Variants in SDK2 observed in about 807,000 individuals in gnomAD.
The protein encoded by SDK2 is protein sidekick-2.
Under a neutral mutation model 253.9 loss-of-function variants are expected in SDK2, and 105 were observed. The ratio of observed to expected loss-of-function variants is 0.41; its 90% CI spans 0.35 to 0.49. The LOEUF is 0.49. SDK2 is among the 20% of genes least tolerant of loss of function. SDK2 has a pLI of 0.06. For synonymous variants in SDK2, 1,249 were observed against 1,234.9 expected, an observed-to-expected ratio of 1.01 and a Z score of -0.24; for missense variants, 2,608 against 3,003.0, an observed-to-expected ratio of 0.87 and a Z score of 3.07.
intron 20 of SDK2, 30 bp from the exon 21 acceptor site, chr17:73,401,241 T>A: frequency 6.6e-7 from 1 of 1,519,782 alleles, no homozygotes; most frequent in South Asian, 1.3e-5. Context: ...TGGCATGAGC[T>A]TGGCTGTGAT....
At chr17:73,483,284 C>T (rs935198051) in intron 2 of SDK2, among the ~76,000 whole-genome samples, 3 of 149,776 alleles carry the variant, frequency 2.0e-5, no homozygotes, top group African/African-American at 7.4e-5. Context: ...CCGCGGACAA[C>T]TCTGCACCGA....
intron 3 of SDK2, among the ~76,000 whole-genome samples, chr17:73,463,870 T>C (rs113789580): frequency 6.6e-6 from 1 of 152,202 alleles, no homozygotes; most frequent in Non-Finnish European, 1.5e-5. Context: ...CTCTAAGGTA[T>C]GTGCCTAGAA....
rs776078195 is a variant in SDK2, at chr17:73,433,866, G to A, written c.1196-18C>T. 2 of 1,481,854 alleles carry A rather than the reference G, an allele frequency of 1.3e-6. No homozygotes were observed. The highest frequency in any genetic ancestry group is 1.8e-6 in the Non-Finnish European group (2 of 1,108,020). 91.8% of individuals were successfully genotyped at this position (1,481,854 alleles called of 1,614,324 possible). A position where few individuals can be genotyped will look rare whatever the true frequency, so the allele number is the denominator to read the frequency against. ...GGCGATGCCTGCAAACAGAGAAGTGGGGCCTTTTAGCCACACCCTGGGAGA... is the reference window on the plus strand; with the variant it reads ...GGCGATGCCTGCAAACAGAGAAGTGAGGCCTTTTAGCCACACCCTGGGAGA... On this transcript the variant is annotated intron_variant, in intron 9 of 44. Coordinates refer to ENST00000392650, the MANE Select transcript of SDK2 (RefSeq NM_001144952.2).
intron 44 of SDK2, among the ~76,000 whole-genome samples, chr17:73,340,361 G>A (rs1310946728): frequency 1.3e-5 from 2 of 152,212 alleles, no homozygotes; most frequent in Middle Eastern, 3.4e-3. Flanking sequence ...TGCCCCTACC[G>A]GTCACTCCCT....
chr17:73,339,881 T>C (rs1453394324), intron 44 of SDK2, among the ~76,000 whole-genome samples: 2 of 151,642 alleles, frequency 1.3e-5, no homozygotes, highest in East Asian at 3.9e-4. Flanking sequence ...TTTCTTTCTT[T>C]TTTTTTTGAT....
intron 1 of SDK2, among the ~76,000 whole-genome samples, chr17:73,605,161 T>C (rs972184637): frequency 3.9e-5 from 6 of 152,046 alleles, no homozygotes; most frequent in Non-Finnish European, 7.4e-5. Flanking sequence ...CCTGGGGTGA[T>C]GTGGGCAGGC....
chr17:73,533,961 T>G (rs1040314029), intron 1 of SDK2, among the ~76,000 whole-genome samples: 1 of 152,092 alleles, frequency 6.6e-6, no homozygotes, highest in Non-Finnish European at 1.5e-5. Context: ...CCAAACACAA[T>G]GCGGCAGCAG....
At chr17:73,565,022 A>G (rs540661828) in intron 1 of SDK2, among the ~76,000 whole-genome samples, 1 of 152,262 alleles carries the variant, frequency 6.6e-6, no homozygotes, top group African/African-American at 2.4e-5. Flanking sequence ...GAAGATAGAA[A>G]TGGCACTGGG....
rs772595082 is a variant in SDK2, at chr17:73,431,960, C to A, written c.1313-291G>T. ...ACGTGCCCTTCAACAGAGAAGGGGG[C>A]GCAGTTTCCTGATGACGGTGAGCAG... On this transcript the variant is annotated intron_variant, in intron 10 of 44. Coordinates refer to ENST00000392650, the MANE Select transcript of SDK2 (RefSeq NM_001144952.2). This position sits in a 1 kb window ranked among gnomAD's most constrained non-coding sequence, Gnocchi z 5.6. Among the ~76,000 whole-genome samples the A allele has an allele frequency of 6.6e-6, 1 of 152,156 alleles. No individual in the cohort carries two copies. Among genetic ancestry groups the A allele is most frequent in the South Asian group, 2.1e-4 (1 of 4,828 alleles).
intron 1 of SDK2, among the ~76,000 whole-genome samples, chr17:73,601,966 A>C (rs888090117): frequency 5.9e-5 from 9 of 151,870 alleles, no homozygotes; most frequent in Admixed American, 5.9e-4. Flanking sequence ...CTGGTCTCGA[A>C]CTCCTCACCT....
At chr17:73,423,853 C>T in intron 13 of SDK2, 63 bp downstream of exon 13, 1 of 1,381,716 alleles carries the variant, frequency 7.2e-7, no homozygotes, top group East Asian at 2.5e-5. Context: ...TCGGCTGGCT[C>T]TGAGCATGCC....
At chr17:73,484,097 C>T (rs7405988) in intron 2 of SDK2, among the ~76,000 whole-genome samples, 11 of 152,024 alleles carry the variant, frequency 7.2e-5, no homozygotes, top group Admixed American at 1.3e-4. Context: ...CACCGCTCCC[C>T]GCTCCTCCGG....
rs769744591 is a variant in SDK2, at chr17:73,496,421, C to T, written c.224+11017G>A. On this transcript the variant is annotated intron_variant, in intron 2 of 44. Coordinates refer to ENST00000392650, the MANE Select transcript of SDK2 (RefSeq NM_001144952.2). The surrounding 1 kb of genome is among the most constrained non-coding windows in gnomAD (Gnocchi z 4.7). ...ACAACGGTTTGCCAGGTAGCAGAGG[C>T]GTGCGAGGACGGTAGAGGTGGAGGA... 1.3e-5 allele frequency among the ~76,000 whole-genome samples: 2 copies of T among 152,128 alleles called. No individual in the cohort carries two copies. Among genetic ancestry groups the T allele is most frequent in the Admixed American group, 6.6e-5 (1 of 15,260 alleles).
Position 73,570,218 on chromosome 17 carries a change from A to T in SDK2, c.65-62621T>A, listed in dbSNP as rs993890638. 9.2e-6 allele frequency among the ~76,000 whole-genome samples: 1 copy of T among 108,668 alleles called. No individual in the cohort carries two copies. The highest frequency in any genetic ancestry group is 2.0e-5 in the Non-Finnish European group (1 of 49,400). The allele number at this position is 108,668 out of a possible 152,430, so 71.3% of individuals were successfully genotyped here. A position where few individuals can be genotyped will look rare whatever the true frequency, so the allele number is the denominator to read the frequency against. On this transcript the variant is annotated intron_variant, in intron 1 of 44. Transcript: ENST00000392650. This position sits in a 1 kb window ranked among gnomAD's most constrained non-coding sequence, Gnocchi z 4.2. ...CTTGCTACCTCCCCTCCCTGTTTAC[A>T]CCCCTGCCTCCTAAGCACAGCCCGG...
intron 1 of SDK2, among the ~76,000 whole-genome samples, chr17:73,585,494 G>A (rs1258445600): frequency 1.3e-5 from 2 of 152,198 alleles, no homozygotes; most frequent in Non-Finnish European, 2.9e-5. Flanking sequence ...CTGAGTAGGT[G>A]CTGCGGGTCT....
Position 73,361,555 on chromosome 17 carries a change from G to C in SDK2, c.5467+129C>G, listed in dbSNP as rs2062640340. The stretch of plus-strand genomic sequence containing the variant: ...GGGGGGAGGGGTCACTGGGCACCAG[G>C]GGAAAGAGTGAGCTCTGTCCTCCAC... On this transcript the variant is annotated intron_variant, in intron 39 of 44. Transcript: ENST00000392650. This position sits in a 1 kb window ranked among gnomAD's most constrained non-coding sequence, Gnocchi z 4.1. 1 of 901,862 alleles carries C rather than the reference G, an allele frequency of 1.1e-6. No individual in the cohort carries two copies. Among genetic ancestry groups the C allele is most frequent in the Non-Finnish European group, 1.7e-6 (1 of 605,750 alleles). 55.9% of individuals were successfully genotyped at this position (901,862 alleles called of 1,614,324 possible).
At chr17:73,357,041 A>G (rs957871523) in intron 40 of SDK2, among the ~76,000 whole-genome samples, 6 of 152,232 alleles carry the variant, frequency 3.9e-5, no homozygotes, top group African/African-American at 2.4e-5. Context: ...CCAGAGGGCC[A>G]GGGAGGGACC....
Position 73,395,386 on chromosome 17 carries a change from G to A in SDK2, c.3361C>T (p.Pro1121Ser), listed in dbSNP as rs1401602435. Residue 1121 changes from proline to serine, a missense_variant, in exon 25 of 45, where the codon CCG becomes TCG. Transcript: ENST00000392650. The surrounding 1 kb of genome is among the most constrained non-coding windows in gnomAD (Gnocchi z 4.3). ...TSLWLRWMPLPEMEYNGNPES... is the reference protein window; with the variant it reads ...TSLWLRWMPLSEMEYNGNPES... ...GGGTTCCCATTGTATTCCATCTCCGGGAGAGGCTGCAGCGGGGCAGGGGTG... is the reference window on the plus strand; with the variant it reads ...GGGTTCCCATTGTATTCCATCTCCGAGAGAGGCTGCAGCGGGGCAGGGGTG... 1.9e-6 allele frequency: 3 copies of A among 1,613,684 alleles called. No homozygotes were observed. Among genetic ancestry groups the A allele is most frequent in the Non-Finnish European group, 2.5e-6 (3 of 1,179,746 alleles).
intron 2 of SDK2, among the ~76,000 whole-genome samples, chr17:73,490,238 C>G (rs2063796625): frequency 6.6e-6 from 1 of 152,168 alleles, no homozygotes; most frequent in Admixed American, 6.5e-5. Flanking sequence ...TTGTCTAACT[C>G]ACAGTGGGTG....
Sources: allele counts gnomAD v4.1 joint callset (sites outside exome capture counted in the v4.1 genomes callset), GRCh38; gene constraint gnomAD v4.1.1; non-coding constraint Gnocchi (gnomAD v3.1); transcripts MANE v1.5; gene names NCBI Gene and HGNC (gene_info 2026-07-23, HGNC 2026-07-21).